ATP2B4: variants seen among roughly 807,000 people sequenced by gnomAD.
The protein encoded by ATP2B4 is plasma membrane calcium-transporting ATPase 4.
A neutral mutation model predicts 110.3 loss-of-function variants in ATP2B4; 39 were observed. The ratio of observed to expected loss-of-function variants is 0.35; its 90% CI spans 0.27 to 0.46. The LOEUF is 0.46. Ranked by LOEUF, ATP2B4 falls within the 20% of genes least tolerant of loss-of-function variation. The pLI is 1.00. For synonymous variants in ATP2B4, 538 were observed against 571.7 expected, an observed-to-expected ratio of 0.94 and a Z score of 0.84; for missense variants, 1,135 against 1,530.9, an observed-to-expected ratio of 0.74 and a Z score of 4.32.
chr1:203,713,130 A>G, intron 13 of ATP2B4, 35 bp from the exon 14 acceptor site: 5 of 1,612,682 alleles, frequency 3.1e-6, no homozygotes, highest in Non-Finnish European at 3.4e-6. Flanking sequence ...GCTTTTCTGC[A>G]TTTGACTGAT....
intron 1 of ATP2B4, among the ~76,000 whole-genome samples, chr1:203,652,050 C>T (rs1301736126): frequency 2.7e-5 from 2 of 73,466 alleles, no homozygotes; most frequent in African/African-American, 7.7e-5. Context: ...GAGCGAGACT[C>T]TGTCTCAAAA....
chr1:203,722,935 T>C (rs1460150417), intron 18 of ATP2B4, among the ~76,000 whole-genome samples: 1 of 152,150 alleles, frequency 6.6e-6, no homozygotes, highest in Non-Finnish European at 1.5e-5. Context: ...ACTTCTAAAA[T>C]CCTTTCATGA....
In ATP2B4 at chr1:203,735,727, A is replaced by T. The variant is rs540814423; in HGVS notation, c.3310-3819A>T. 1.1e-4 allele frequency among the ~76,000 whole-genome samples: 17 copies of T among 151,788 alleles called. No homozygotes were observed. In the South Asian group the frequency reaches 2.7e-3, roughly 24 times the overall value. ...AGTCTTGCCCTGCAAGTATCCAGGA[A>T]CCTCTCCCACCAGTTCTTTCATATT... On this transcript the variant is annotated intron_variant, in intron 20 of 20. Coordinates refer to ENST00000357681, the MANE Select transcript of ATP2B4 (RefSeq NM_001684.5).
chr1:203,711,072 C>T lies in ATP2B4; in HGVS notation c.1995C>T (p.Ile665=), dbSNP rs140720036. 1.9e-3 allele frequency: 3,069 copies of T among 1,614,132 alleles called. 85 individuals are homozygous for T. The South Asian group carries it at 0.032, about 17-fold the overall frequency. ...ENEILTELTC[I]AVVGIEDPVR... is the part of the protein sequence containing the mutation. ...AGATCCTCACCGAACTGACCTGTATCGCGGTGGTGGGCATTGAGGACCCTG... is the reference window on the plus strand; with the variant it reads ...AGATCCTCACCGAACTGACCTGTATTGCGGTGGTGGGCATTGAGGACCCTG... The change falls in exon 12 of 21, where the codon ATC becomes ATT. Residue 665 remains isoleucine (I), a synonymous_variant. Transcript: ENST00000357681.
At chr1:203,682,063 A>C (rs1475559577) in intron 1 of ATP2B4, among the ~76,000 whole-genome samples, 3 of 152,098 alleles carry the variant, frequency 2.0e-5, no homozygotes, top group Non-Finnish European at 4.4e-5. Context: ...CCAGGTTGAC[A>C]CCTGCACGGG....
In ATP2B4 at chr1:203,707,907, G is replaced by C. The variant is rs1456784887; in HGVS notation, c.1360G>C (p.Glu454Gln). The C allele has an allele frequency of 6.2e-7, 1 of 1,614,202 alleles. No homozygotes were observed. The highest frequency in any genetic ancestry group is 1.1e-5 in the South Asian group (1 of 91,086). ...CCTAGTACGGCACTTGGATGCTTGT[G>C]AGACCATGGGCAACGCCACCGCCAT... ...NNLVRHLDAC[E>Q]TMGNATAICS... Residue 454 changes from glutamate (E) to glutamine (Q), a missense_variant, in exon 10 of 21, where the codon GAG (glutamate) becomes CAG (glutamine). Physicochemically the swap from Glu to Gln is conservative, Grantham distance 29 (BLOSUM62 2). Coordinates refer to ENST00000357681, the MANE Select transcript of ATP2B4 (RefSeq NM_001684.5).
At chr1:203,729,560 A>AG (rs1553251646) in intron 20 of ATP2B4, 41 of 449,872 alleles carry the variant, frequency 9.1e-5, no homozygotes, top group Middle Eastern at 3.7e-4. Flanking sequence ...AAAAAAAAAA[A>AG]AAGAAGAAGA....
rs573821062 is a variant in ATP2B4, at chr1:203,718,338, G to A, written c.2407-2211G>A. Among the ~76,000 whole-genome samples the A allele has an allele frequency of 1.8e-4, 27 of 150,606 alleles. No individual in the cohort carries two copies. The South Asian group carries it at 4.2e-3, about 23-fold the overall frequency. ...TTTTGAGACACAGTCTCACTCTGTCGCCCAGGCTGGAGTGCAGTGGCATGA... is the reference window on the plus strand; with the variant it reads ...TTTTGAGACACAGTCTCACTCTGTCACCCAGGCTGGAGTGCAGTGGCATGA... On this transcript the variant is annotated intron_variant, in intron 15 of 20. Transcript: ENST00000357681.
chr1:203,656,909 G>T (rs757317364), intron 1 of ATP2B4: 1 of 590,684 alleles, frequency 1.7e-6, no homozygotes, highest in Non-Finnish European at 3.1e-6. Flanking sequence ...AAACATTACA[G>T]TAATGGCAGT....
chr1:203,698,376 G>A, intron 3 of ATP2B4, 22 bp downstream of exon 3: 1 of 1,611,842 alleles, frequency 6.2e-7, no homozygotes, highest in Non-Finnish European at 8.5e-7. Flanking sequence ...AAACAGCTCA[G>A]CGTGACTCTT....
chr1:203,691,267 A>G (rs192977597), intron 2 of ATP2B4, among the ~76,000 whole-genome samples: 3 of 152,324 alleles, frequency 2.0e-5, no homozygotes, highest in Admixed American at 6.5e-5. Context: ...TAACCTTCTC[A>G]TTCTTGGCTT....
At chr1:203,627,263 G>C (rs954831829) in intron 1 of ATP2B4, 44 bp downstream of exon 1, 7 of 152,184 alleles carry the variant, frequency 4.6e-5, no homozygotes, top group Admixed American at 6.5e-5. Context: ...TGCAAACTTT[G>C]TTTCTTTCTT....
At position 203,664,272 on chromosome 1, in the gene ATP2B4, G is replaced by T. The variant is rs553750719; in HGVS notation, c.-464-18470G>T. Among the ~76,000 whole-genome samples, 175 of 152,290 alleles carry T rather than the reference G, an allele frequency of 1.1e-3. 1 individual carries two copies. Among genetic ancestry groups the T allele is most frequent in the African/African-American group, 4.1e-3 (169 of 41,546 alleles). On this transcript the variant is annotated intron_variant, in intron 1 of 20. Coordinates refer to ENST00000357681, the MANE Select transcript of ATP2B4 (RefSeq NM_001684.5). ...AAAATTAGAGATTCTGGAGAAGTCT[G>T]GGAATGGGGAGTACCAATGTCCTCC...
At chr1:203,668,117 G>T (rs901874329) in intron 1 of ATP2B4, among the ~76,000 whole-genome samples, 1 of 152,172 alleles carries the variant, frequency 6.6e-6, no homozygotes, top group Non-Finnish European at 1.5e-5. Flanking sequence ...GTCACCAGGG[G>T]TTGGATTTTA....
chr1:203,693,105 C>G (rs1219818990), intron 2 of ATP2B4, among the ~76,000 whole-genome samples: 1 of 152,220 alleles, frequency 6.6e-6, no homozygotes, highest in Non-Finnish European at 1.5e-5. Context: ...TTTCCTTCCC[C>G]TCTCCAGGAG....
At chr1:203,686,005 CA>C (rs764959663) in intron 2 of ATP2B4, among the ~76,000 whole-genome samples, 3,409 of 136,460 alleles carry the variant, frequency 0.025, 116 homozygotes, top group Admixed American at 0.069. Context: ...TTCTTAATCA[CA>C]AAAAAAAAAA....
chr1:203,715,760 A>G (rs994478308), intron 15 of ATP2B4, among the ~76,000 whole-genome samples: 1 of 144,636 alleles, frequency 6.9e-6, no homozygotes, highest in African/African-American at 2.5e-5. Flanking sequence ...AAATGTTTTT[A>G]TAGTTTATTT....
At position 203,693,263 on chromosome 1, in the gene ATP2B4, C is replaced by G. The variant is rs185434608; in HGVS notation, c.194-4894C>G. On this transcript the variant is annotated intron_variant, in intron 2 of 20. Coordinates refer to ENST00000357681, the MANE Select transcript of ATP2B4 (RefSeq NM_001684.5). ...GCAGAAAGAATTGGAATGGAAAGCC[C>G]AAAACTGGGGATTGGCCGAGCTCCC... 6.6e-3 allele frequency among the ~76,000 whole-genome samples: 1,005 copies of G among 152,214 alleles called. 11 individuals are homozygous for G. Among genetic ancestry groups the G allele is most frequent in the African/African-American group, 0.023 (958 of 41,542 alleles).
In ATP2B4 at chr1:203,714,190, T is replaced by C. The variant is rs367686823; in HGVS notation, c.2319T>C (p.Val773=). Residue 773 remains valine, a synonymous_variant, in exon 15 of 21, where the codon GTT becomes GTC. Coordinates refer to ENST00000357681, the MANE Select transcript of ATP2B4 (RefSeq NM_001684.5). The part of the protein sequence containing the change: ...TLVKGIIDST[V]GEHRQVVAVT... Reference sequence around the variant, plus strand: ...TCCCAGGCATAATTGACAGCACTGTTGGGGAACACCGGCAGGTCGTGGCTG... The same window carrying C: ...TCCCAGGCATAATTGACAGCACTGTCGGGGAACACCGGCAGGTCGTGGCTG... 47 of 1,614,002 alleles carry C rather than the reference T, an allele frequency of 2.9e-5. No homozygotes were observed. In the African/African-American group the frequency reaches 6.1e-4, roughly 21 times the overall value.
Sources: gnomAD v4.1 joint callset for allele counts (sites outside exome capture counted in the v4.1 genomes callset) on GRCh38, gnomAD v4.1.1 for gene constraint, MANE v1.5 for transcripts, NCBI Gene and HGNC (gene_info 2026-07-23, HGNC 2026-07-21) for gene names.